Variants in PTPRG observed in about 807,000 individuals in gnomAD.
PTPRG encodes the protein protein tyrosine phosphatase receptor type G.
In PTPRG, 102 loss-of-function variants were observed where a neutral mutation model predicts 165.3. The observed-to-expected ratio is 0.62, with a 90% CI of 0.53 to 0.73. The LOEUF is 0.73. Ranked by LOEUF, PTPRG falls within the 30% of genes least tolerant of loss-of-function variation. The pLI is 0.00. For missense variants in PTPRG, 1,866 were observed against 1,861.4 expected, an observed-to-expected ratio of 1.00 and a Z score of -0.05; for synonymous variants, 675 against 669.5, an observed-to-expected ratio of 1.01 and a Z score of -0.13.
chr3:62,174,756 T>A (rs1457152982), intron 8 of PTPRG, among the ~76,000 whole-genome samples: 1 of 152,250 alleles, frequency 6.6e-6, no homozygotes, highest in Admixed American at 6.5e-5. Flanking sequence ...ATTAATGAGC[T>A]TGAATTACTT....
chr3:61,571,265 G>A (rs1700048150), intron 1 of PTPRG, among the ~76,000 whole-genome samples: 1 of 152,208 alleles, frequency 6.6e-6, no homozygotes, highest in Non-Finnish European at 1.5e-5. Flanking sequence ...GGCGCGGGGA[G>A]CGGTGGGGGG....
At chr3:61,990,827 C>G (rs1020879256) in intron 3 of PTPRG, among the ~76,000 whole-genome samples, 3 of 152,026 alleles carry the variant, frequency 2.0e-5, no homozygotes, top group African/African-American at 7.2e-5. Context: ...GCTGTCAGAG[C>G]CCTCATGCTG....
chr3:61,833,004 A>G (rs2036347740), intron 2 of PTPRG, among the ~76,000 whole-genome samples: 1 of 151,612 alleles, frequency 6.6e-6, no homozygotes, highest in African/African-American at 2.4e-5. Context: ...ATAGTATCCC[A>G]TTCCATCCAG....
At position 62,078,205 on chromosome 3, in the gene PTPRG, C is replaced by A. The variant is rs772073947; in HGVS notation, c.562C>A (p.Gln188Lys). 1 of 1,610,282 alleles carries A rather than the reference C, an allele frequency of 6.2e-7. No homozygotes were observed. Among genetic ancestry groups the A allele is most frequent in the African/African-American group, 1.3e-5 (1 of 74,866 alleles). Residue 188 changes from glutamine to lysine, a missense_variant, in exon 5 of 30, where the codon CAA (glutamine) becomes AAA (lysine). Physicochemically the swap from Gln to Lys is moderately conservative, Grantham distance 53 (BLOSUM62 1). Around this residue, in one of 3 missense-constraint regions of PTPRG, gnomAD observed 408 missense variants for 376.2 expected, o/e 1.08. Coordinates refer to ENST00000474889, the MANE Select transcript of PTPRG (RefSeq NM_002841.4). ...FYNPDDFDSF[Q>K]TAISENRIIG... is the part of the protein sequence containing the mutation. ...CAATCCAGATGACTTTGACAGCTTT[C>A]AAACCGCAATTTCTGAGAACAGAAT...
At chr3:61,731,957 A>C (rs1179618187) in intron 1 of PTPRG, among the ~76,000 whole-genome samples, 1 of 151,726 alleles carries the variant, frequency 6.6e-6, no homozygotes, top group East Asian at 2.0e-4. Context: ...GCCCACTACC[A>C]TGTCCAGCTA....
chr3:61,897,946 T>C (rs140720860), intron 2 of PTPRG, among the ~76,000 whole-genome samples: 438 of 152,344 alleles, frequency 2.9e-3, no homozygotes, highest in African/African-American at 9.7e-3. Flanking sequence ...AGGTTTTTTT[T>C]CATGGATTCC....
intron 1 of PTPRG, among the ~76,000 whole-genome samples, chr3:61,597,820 A>G (rs1218413618): frequency 1.3e-5 from 2 of 152,218 alleles, no homozygotes; most frequent in Non-Finnish European, 2.9e-5. Context: ...GATTTGTGTT[A>G]GTTGTCATTA....
chr3:61,735,626 G>A (rs2032690766), intron 1 of PTPRG, among the ~76,000 whole-genome samples: 1 of 151,554 alleles, frequency 6.6e-6, no homozygotes, highest in African/African-American at 2.4e-5. Context: ...GGGAAGAAAT[G>A]TTCCTACAGA....
At chr3:62,018,905 A>C (rs1263617457) in intron 4 of PTPRG, among the ~76,000 whole-genome samples, 1 of 152,166 alleles carries the variant, frequency 6.6e-6, no homozygotes, top group African/African-American at 2.4e-5. Flanking sequence ...CCAGTGCTAG[A>C]GGAAATGATT....
chr3:61,671,469 T>G (rs939558011), intron 1 of PTPRG, among the ~76,000 whole-genome samples: 9 of 151,134 alleles, frequency 6.0e-5, no homozygotes, highest in African/African-American at 2.0e-4. Context: ...AGGTCACAGA[T>G]CAACAGGATC....
At chr3:62,265,894 T>TACAC (rs1250968284) in intron 17 of PTPRG, among the ~76,000 whole-genome samples, 5 of 26,532 alleles carry the variant, frequency 1.9e-4, no homozygotes, top group East Asian at 2.2e-3. Flanking sequence ...CTGTGCCTTA[T>TACAC]ATACACACAC....
chr3:61,794,528 T>G (rs535343087), intron 2 of PTPRG, among the ~76,000 whole-genome samples: 1 of 152,236 alleles, frequency 6.6e-6, no homozygotes, highest in African/African-American at 2.4e-5. Flanking sequence ...AGATGTTAAC[T>G]GTTTAAATAT....
At chr3:62,144,662 G>GT (rs1704054955) in intron 6 of PTPRG, among the ~76,000 whole-genome samples, 1 of 152,112 alleles carries the variant, frequency 6.6e-6, no homozygotes, top group African/African-American at 2.4e-5. Context: ...ATCAGAACAC[G>GT]TTTGATCTCA....
chr3:61,576,072 C>G (rs115270451), intron 1 of PTPRG, among the ~76,000 whole-genome samples: 2 of 152,160 alleles, frequency 1.3e-5, no homozygotes, highest in East Asian at 3.9e-4. Context: ...GATCCCACAG[C>G]GAATAAAGTG....
chr3:61,730,561 T>C (rs1212206945), intron 1 of PTPRG, among the ~76,000 whole-genome samples: 1 of 152,198 alleles, frequency 6.6e-6, no homozygotes, highest in Non-Finnish European at 1.5e-5. Flanking sequence ...GTTAAAAATA[T>C]TGTCTCAAGC....
At chr3:61,686,935 A>C (rs1248166310) in intron 1 of PTPRG, among the ~76,000 whole-genome samples, 2 of 152,176 alleles carry the variant, frequency 1.3e-5, no homozygotes, top group Non-Finnish European at 2.9e-5. Flanking sequence ...GAGGTGAGAT[A>C]AGGAGTCCAT....
intron 4 of PTPRG, among the ~76,000 whole-genome samples, chr3:62,072,724 A>G (rs977967578): frequency 6.6e-6 from 1 of 152,088 alleles, no homozygotes; most frequent in Non-Finnish European, 1.5e-5. Context: ...TACAGGATTG[A>G]TTCAACTTTC....
chr3:61,924,859 C>T (rs1332604987), intron 2 of PTPRG, among the ~76,000 whole-genome samples: 1 of 152,094 alleles, frequency 6.6e-6, no homozygotes, highest in African/African-American at 2.4e-5. Flanking sequence ...GCCTTGCTCC[C>T]CAGTGTGATG....
At chr3:62,111,259 G>A (rs1297697006) in intron 5 of PTPRG, among the ~76,000 whole-genome samples, 2 of 152,142 alleles carry the variant, frequency 1.3e-5, no homozygotes, top group Non-Finnish European at 2.9e-5. Flanking sequence ...TGGTGAACGT[G>A]GTATTCTGGA....
Sources: allele counts gnomAD v4.1 joint callset (sites outside exome capture counted in the v4.1 genomes callset), GRCh38; gene constraint gnomAD v4.1.1; regional missense constraint gnomAD v4.1.1; transcripts MANE v1.5; gene names NCBI Gene and HGNC (gene_info 2026-07-23, HGNC 2026-07-21).